CREM: variants seen among roughly 807,000 people sequenced by gnomAD.
The protein encoded by CREM is cAMP responsive element modulator, also known as cAMP-responsive element modulator.
In CREM, 13 loss-of-function variants were observed where a neutral mutation model predicts 37.3. The ratio of observed to expected loss-of-function variants is 0.35; its 90% confidence interval spans 0.23 to 0.55. The LOEUF is 0.55. Among genes scored for constraint, CREM ranks in the 20% least tolerant of loss-of-function variants. CREM has a pLI of 0.88. For missense variants in CREM, 296 were observed against 362.3 expected, an observed-to-expected ratio of 0.82 and a Z score of 1.49; for synonymous variants, 124 against 120.2, an observed-to-expected ratio of 1.03 and a Z score of -0.21.
chr10:35,207,546 C>T (rs7917619), intron 7 of CREM, among the ~76,000 whole-genome samples: 14 of 152,190 alleles, frequency 9.2e-5, no homozygotes, highest in African/African-American at 1.7e-4. Flanking sequence ...GAGGTCAAGG[C>T]GGGCAGATCA....
chr10:35,177,200 A>G (rs1182688212), intron 3 of CREM, among the ~76,000 whole-genome samples: 1 of 152,008 alleles, frequency 6.6e-6, no homozygotes, highest in Non-Finnish European at 1.5e-5. Flanking sequence ...GATGTGACAA[A>G]TTCACATACA....
intron 6 of CREM, among the ~76,000 whole-genome samples, chr10:35,189,481 T>TTTGC (rs200176261): frequency 6.6e-6 from 1 of 151,202 alleles, no homozygotes; most frequent in Non-Finnish European, 1.5e-5. Context: ...TTTTTAAAAA[T>TTTGC]TTGCTTGCTT....
At chr10:35,187,661 T>A (rs773193353) in intron 5 of CREM, among the ~76,000 whole-genome samples, 1 of 151,828 alleles carries the variant, frequency 6.6e-6, no homozygotes, top group Non-Finnish European at 1.5e-5. Flanking sequence ...AAATGGGAAT[T>A]TTTCTTTTCT....
chr10:35,133,530 C>G (rs2089842263), intron 1 of CREM, among the ~76,000 whole-genome samples: 2 of 152,102 alleles, frequency 1.3e-5, no homozygotes, highest in African/African-American at 4.8e-5. Flanking sequence ...AACTCCTGAC[C>G]TCATGTAATC....
At chr10:35,141,121 T>C (rs1218387174) in intron 2 of CREM, among the ~76,000 whole-genome samples, 1 of 152,204 alleles carries the variant, frequency 6.6e-6, no homozygotes, top group Non-Finnish European at 1.5e-5. Flanking sequence ...GAACTAATTA[T>C]TTTTTATTTT....
intron 3 of CREM, among the ~76,000 whole-genome samples, chr10:35,159,013 T>C (rs1454030581): frequency 6.6e-6 from 1 of 152,066 alleles, no homozygotes; most frequent in Non-Finnish European, 1.5e-5. Context: ...GATTAAATAA[T>C]TTTTCCCCCT....
chr10:35,195,257 G>C lies in CREM; in HGVS notation c.598+6869G>C, dbSNP rs1312000467. The C allele has an allele frequency of 1.9e-6, 3 of 1,610,850 alleles. No individual in the cohort carries two copies. In the South Asian group the frequency reaches 3.3e-5, roughly 18 times the overall value. On this transcript the variant is annotated intron_variant, in intron 6 of 7. Transcript: ENST00000685392. ...GGGTTTTCAGTTAATTGTGCAGATT[G>C]TTTTGAAGTTTAGGAAGTATTCAGG...
chr10:35,208,779 A>G (rs1029025359), intron 7 of CREM, among the ~76,000 whole-genome samples: 1 of 152,154 alleles, frequency 6.6e-6, no homozygotes. Context: ...TTTCACCTAC[A>G]TTTCATTGGC....
chr10:35,178,978 C>G lies in CREM; in HGVS notation c.258C>G (p.Pro86=), dbSNP rs753655454. Reference sequence around the variant, plus strand: ...GTAGAGAAATCCTTTCACGAAGACCCTCTTATAGGTAAGTTAACCAAGTTT... The same window carrying G: ...GTAGAGAAATCCTTTCACGAAGACCGTCTTATAGGTAAGTTAACCAAGTTT... ...HKRREILSRR[P]SYRKILNELS... Residue 86 remains proline, a synonymous_variant, in exon 4 of 8, where the codon CCC becomes CCG. Transcript: ENST00000685392. 6 of 1,605,424 alleles carry G rather than the reference C, an allele frequency of 3.7e-6. No individual in the cohort carries two copies. In the South Asian group the frequency reaches 6.7e-5, roughly 18 times the overall value.
intron 3 of CREM, among the ~76,000 whole-genome samples, chr10:35,176,883 T>C (rs1399137970): frequency 6.6e-6 from 1 of 152,246 alleles, no homozygotes; most frequent in Non-Finnish European, 1.5e-5. Context: ...ATGATTATTA[T>C]TGTGGTTGTG....
At chr10:35,183,579 G>C (rs978777306) in intron 5 of CREM, among the ~76,000 whole-genome samples, 5 of 152,138 alleles carry the variant, frequency 3.3e-5, no homozygotes, top group Non-Finnish European at 7.3e-5. Context: ...GTACTCATAG[G>C]TGCTCTCTTA....
intron 5 of CREM, 37 bp downstream of exon 5, chr10:35,179,313 C>T (rs2094247629): frequency 8.1e-6 from 13 of 1,597,690 alleles, no homozygotes; most frequent in Non-Finnish European, 1.0e-5. Flanking sequence ...ACAGTGCTAG[C>T]TTTAAGTCTT....
chr10:35,171,704 C>G (rs983727991), intron 3 of CREM, among the ~76,000 whole-genome samples: 6 of 152,130 alleles, frequency 3.9e-5, no homozygotes, highest in African/African-American at 1.4e-4. Flanking sequence ...CTTGTAGGAC[C>G]CCTGGGTTTC....
At chr10:35,163,725 G>A (rs1453414693) in intron 3 of CREM, among the ~76,000 whole-genome samples, 1 of 152,100 alleles carries the variant, frequency 6.6e-6, no homozygotes. Context: ...GGAGGCTGAG[G>A]CGGGAGATTC....
chr10:35,211,909 C>A lies in CREM; in HGVS notation c.*511C>A. The stretch of plus-strand genomic sequence containing the variant: ...TTCTTTTCTTTGTATCATTCATCTT[C>A]TTCTTTAATCACTTAACATTCCTAA... On this transcript the variant is annotated 3_prime_UTR_variant, in exon 8 of 8. Coordinates refer to ENST00000685392, the MANE Select transcript of CREM (RefSeq NM_183011.2). 9.0e-7 allele frequency: 1 copy of A among 1,109,018 alleles called. No individual in the cohort carries two copies. The highest frequency in any genetic ancestry group is 1.2e-6 in the Non-Finnish European group (1 of 814,682). 68.7% of individuals were successfully genotyped at this position (1,109,018 alleles called of 1,614,324 possible). A position where few individuals can be genotyped will look rare whatever the true frequency, so the allele number is the denominator to read the frequency against.
rs1266456666 is a variant in CREM at position 35,179,152 on chromosome 10, G to A, written c.285G>A (p.Leu95=). 8 of 1,613,304 alleles carry A rather than the reference G, an allele frequency of 5.0e-6. No homozygotes were observed. Among genetic ancestry groups the A allele is most frequent in the Non-Finnish European group, 6.8e-6 (8 of 1,179,654 alleles). The change falls in exon 5 of 8, where the codon CTG becomes CTA. Residue 95 remains leucine (L), a synonymous_variant. Coordinates refer to ENST00000685392, the MANE Select transcript of CREM (RefSeq NM_183011.2). ...RPSYRKILNE[L]SSDVPGVPKI... ...ATTTTAGGAAAATACTGAATGAACT[G>A]TCCTCTGATGTGCCTGGTGTTCCCA...
At chr10:35,152,521 C>G (rs2092661868) in intron 3 of CREM, 1 of 152,110 alleles carries the variant, frequency 6.6e-6, no homozygotes, top group Non-Finnish European at 1.5e-5. Context: ...GCAGGAGTTG[C>G]CATCAACAAA....
chr10:35,195,035 C>T (rs530936846), intron 6 of CREM: 30 of 649,992 alleles, frequency 4.6e-5, no homozygotes, highest in East Asian at 3.3e-4. Flanking sequence ...TCAGTGAGCT[C>T]GCCTGTGACA....
In CREM at chr10:35,131,631, A is replaced by G. The variant is rs187624325; in HGVS notation, c.-55+4438A>G. Among the ~76,000 whole-genome samples, 198 of 152,344 alleles carry G rather than the reference A, an allele frequency of 1.3e-3. 1 individual carries two copies. Among genetic ancestry groups the G allele is most frequent in the African/African-American group, 4.5e-3 (186 of 41,586 alleles). On this transcript the variant is annotated intron_variant, in intron 1 of 7. Transcript: ENST00000685392. ...AATTTCTGGAGGAGTAAAATTAGGC[A>G]TGTTTCTGCACTTAGAAAGATACAG... is the stretch of plus-strand genomic sequence containing the variant.
Sources: gnomAD v4.1 joint callset for allele counts (sites outside exome capture counted in the v4.1 genomes callset) on GRCh38, gnomAD v4.1.1 for gene constraint, MANE v1.5 for transcripts, NCBI Gene and HGNC (gene_info 2026-07-23, HGNC 2026-07-21) for gene names.